The following C12orf42 variants were observed in gnomAD, a reference collection of about 807,000 sequenced individuals.
The protein encoded by C12orf42 is chromosome 12 open reading frame 42, also known as uncharacterized protein C12orf42.
A neutral mutation model predicts 21.6 loss-of-function variants in C12orf42; 25 were observed. The observed-to-expected ratio is 1.16, with a 90% CI of 0.84 to 1.62. C12orf42 has a LOEUF of 1.62. Ranked by LOEUF, C12orf42 falls within the 40% of genes most tolerant of loss-of-function variation. The pLI is 0.00. For missense variants in C12orf42, 483 were observed against 459.3 expected, an observed-to-expected ratio of 1.05 and a Z score of -0.47; for synonymous variants, 174 against 175.0, an observed-to-expected ratio of 0.99 and a Z score of 0.05.
intron 4 of C12orf42, among the ~76,000 whole-genome samples, chr12:103,311,011 T>C (rs1398279705): frequency 6.6e-6 from 1 of 152,140 alleles, no homozygotes; most frequent in Non-Finnish European, 1.5e-5. Flanking sequence ...TTCCAGGAGT[T>C]ATGGGTTGAA....
chr12:103,148,092 A>G, the C12orf42 span, among the ~76,000 whole-genome samples: 607 of 152,274 alleles, frequency 4.0e-3, 1 homozygote, highest in Admixed American at 7.0e-3. Context: ...ATGAGTGACA[A>G]TAAGTCAGAT....
At chr12:103,192,172 TA>T in the C12orf42 span, among the ~76,000 whole-genome samples, 8 of 152,196 alleles carry the variant, frequency 5.3e-5, no homozygotes, top group African/African-American at 1.4e-4. Context: ...AGATTGGATT[TA>T]AAAAAAGATC....
intron 3 of C12orf42, among the ~76,000 whole-genome samples, chr12:103,389,521 C>T (rs2138408117): frequency 1.3e-5 from 2 of 152,274 alleles, no homozygotes; most frequent in African/African-American, 4.8e-5. Flanking sequence ...GTTCTGGAAG[C>T]ATTTGATGTC....
the C12orf42 span, among the ~76,000 whole-genome samples, chr12:103,561,645 C>T: frequency 3.9e-5 from 6 of 152,194 alleles, no homozygotes; most frequent in Admixed American, 2.6e-4. Context: ...AGGACAGAAA[C>T]ATTCAGTCCA....
chr12:103,557,135 C>T, the C12orf42 span, among the ~76,000 whole-genome samples: 14 of 152,016 alleles, frequency 9.2e-5, no homozygotes, highest in South Asian at 1.2e-3. Context: ...CAAGAGGAAA[C>T]GAAACAATCT....
At chr12:103,493,722 C>A (rs199622480) in intron 1 of C12orf42, among the ~76,000 whole-genome samples, 1,196 of 102,852 alleles carry the variant, frequency 0.012, no homozygotes, top group South Asian at 0.016. Flanking sequence ...AAAGGGGAGA[C>A]AAAAAAAAAA....
the C12orf42 span, among the ~76,000 whole-genome samples, chr12:103,129,633 G>C: frequency 1.3e-5 from 2 of 152,034 alleles, no homozygotes; most frequent in Non-Finnish European, 2.9e-5. Context: ...TTTCCCCTTT[G>C]TTATGACATC....
chr12:103,391,279 G>C (rs562777240), intron 3 of C12orf42, among the ~76,000 whole-genome samples: 1 of 151,776 alleles, frequency 6.6e-6, no homozygotes, highest in Non-Finnish European at 1.5e-5. Flanking sequence ...CTCTGTTTTC[G>C]ATTATTTAGG....
At chr12:103,211,830 T>C in the C12orf42 span, among the ~76,000 whole-genome samples, 1 of 152,234 alleles carries the variant, frequency 6.6e-6, no homozygotes, top group Non-Finnish European at 1.5e-5. Context: ...TAATACACAG[T>C]GGCACTTGTC....
the C12orf42 span, among the ~76,000 whole-genome samples, chr12:103,087,522 G>C: frequency 6.6e-6 from 1 of 152,190 alleles, no homozygotes; most frequent in East Asian, 1.9e-4. Context: ...TTCTCTAAAA[G>C]AGTGATAATA....
chr12:103,219,431 G>T, the C12orf42 span, among the ~76,000 whole-genome samples: 1 of 152,156 alleles, frequency 6.6e-6, no homozygotes, highest in African/African-American at 2.4e-5. Context: ...AAACTAAAGA[G>T]CTTCTGCACA....
chr12:103,166,362 TATTAA>T, the C12orf42 span, among the ~76,000 whole-genome samples: 1 of 152,236 alleles, frequency 6.6e-6, no homozygotes, highest in African/African-American at 2.4e-5. Flanking sequence ...CTATTATTGT[TATTAA>T]AGAAAGGTGA....
At chr12:103,058,684 A>G in the C12orf42 span, among the ~76,000 whole-genome samples, 2 of 152,212 alleles carry the variant, frequency 1.3e-5, no homozygotes, top group Non-Finnish European at 2.9e-5. Flanking sequence ...AACTCACTCA[A>G]ACTGCACAAC....
At chr12:103,486,222 T>G (rs999865930) in intron 1 of C12orf42, among the ~76,000 whole-genome samples, 1 of 152,220 alleles carries the variant, frequency 6.6e-6, no homozygotes, top group African/African-American at 2.4e-5. Flanking sequence ...CTACATCTAT[T>G]GAGATAATCA....
intron 4 of C12orf42, among the ~76,000 whole-genome samples, chr12:103,346,937 A>G (rs1212572405): frequency 1.3e-5 from 2 of 152,220 alleles, no homozygotes; most frequent in Admixed American, 1.3e-4. Context: ...CAATAAGCTC[A>G]TTGTTAATAA....
chr12:103,067,965 A>G, the C12orf42 span, among the ~76,000 whole-genome samples: 365 of 152,316 alleles, frequency 2.4e-3, 1 homozygote, highest in Non-Finnish European at 4.3e-3. Flanking sequence ...GATTAAGGTC[A>G]ATGGGAAACT....
At chr12:103,554,181 T>C in the C12orf42 span, among the ~76,000 whole-genome samples, 1 of 152,100 alleles carries the variant, frequency 6.6e-6, no homozygotes, top group African/African-American at 2.4e-5. Flanking sequence ...CAAATGGGCA[T>C]GGTGGGTTCC....
chr12:103,300,336 G>C (rs923987781), downstream of C12orf42, among the ~76,000 whole-genome samples: 1 of 152,050 alleles, frequency 6.6e-6, no homozygotes, highest in Non-Finnish European at 1.5e-5. Context: ...GGTACATGGT[G>C]GGTATCTCTC....
downstream of C12orf42, among the ~76,000 whole-genome samples, chr12:103,301,596 T>C (rs886623460): frequency 3.3e-5 from 5 of 152,206 alleles, no homozygotes; most frequent in Non-Finnish European, 5.9e-5. Context: ...TTCAGGTTTC[T>C]GACATTAAAT....
Sources: allele counts gnomAD v4.1 joint callset (sites outside exome capture counted in the v4.1 genomes callset), GRCh38; gene constraint gnomAD v4.1.1; transcripts MANE v1.5; gene names NCBI Gene and HGNC (gene_info 2026-07-23, HGNC 2026-07-21).